Variants in CTTNBP2 observed in about 807,000 individuals in gnomAD.
CTTNBP2 encodes cortactin binding protein 2, also known as cortactin-binding protein 2.
A neutral mutation model predicts 156.9 loss-of-function variants in CTTNBP2; 108 were observed. That is an observed-to-expected ratio of 0.69 (90% CI 0.59 to 0.81). CTTNBP2 has a LOEUF of 0.81. Ranked by LOEUF, CTTNBP2 falls within the 30% of genes least tolerant of loss-of-function variation. The pLI, the probability that CTTNBP2 is intolerant of heterozygous loss-of-function variation, is 0.00. For synonymous variants in CTTNBP2, 767 were observed against 751.8 expected, an observed-to-expected ratio of 1.02 and a Z score of -0.33; for missense variants, 1,924 against 2,035.4, an observed-to-expected ratio of 0.95 and a Z score of 1.05.
At chr7:117,821,712 C>T (rs893405287) in intron 2 of CTTNBP2, among the ~76,000 whole-genome samples, 4 of 151,878 alleles carry the variant, frequency 2.6e-5, no homozygotes, top group African/African-American at 9.7e-5. Flanking sequence ...ACTCAGCCTC[C>T]CGAGTAGCTG....
intron 2 of CTTNBP2, among the ~76,000 whole-genome samples, chr7:117,839,625 A>T (rs1463324796): frequency 6.6e-6 from 1 of 152,222 alleles, no homozygotes; most frequent in Non-Finnish European, 1.5e-5. Context: ...TAAAAGTGCT[A>T]CTTCTGTCAA....
intron 12 of CTTNBP2, chr7:117,755,660 A>G (rs1796844151): frequency 4.6e-6 from 2 of 435,684 alleles, no homozygotes; most frequent in Admixed American, 5.3e-5. Flanking sequence ...ATTGCCTGGC[A>G]TGTAGTAAGT....
chr7:117,823,375 T>A (rs577660680), intron 2 of CTTNBP2, among the ~76,000 whole-genome samples: 1 of 152,328 alleles, frequency 6.6e-6, no homozygotes, highest in East Asian at 1.9e-4. Flanking sequence ...TTGAAAAAAA[T>A]TGTTTAATAT....
At chr7:117,715,613 ATATG>A (rs1351870295) in intron 22 of CTTNBP2, 14 of 152,166 alleles carry the variant, frequency 9.2e-5, no homozygotes, top group Non-Finnish European at 1.5e-4. Flanking sequence ...GTTGATTTAA[ATATG>A]TATATTTGTT....
intron 3 of CTTNBP2, among the ~76,000 whole-genome samples, chr7:117,807,053 G>A (rs922722696): frequency 4.6e-5 from 7 of 151,940 alleles, no homozygotes; most frequent in Non-Finnish European, 8.8e-5. Context: ...CACCATGCCC[G>A]GCTGGCTCAT....
chr7:117,710,847 G>A lies in CTTNBP2; in HGVS notation c.*690C>T, dbSNP rs1794017879. 1 of 152,470 alleles carries A rather than the reference G, an allele frequency of 6.6e-6. No individual in the cohort carries two copies. The highest frequency in any genetic ancestry group is 1.5e-5 in the Non-Finnish European group (1 of 67,974). The allele number at this position is 152,470 out of a possible 1,614,324, so 9.4% of individuals were successfully genotyped here. A position where few individuals can be genotyped will look rare whatever the true frequency, so the allele number is the denominator to read the frequency against. On this transcript the variant is annotated 3_prime_UTR_variant, in exon 23 of 23. Coordinates refer to ENST00000160373, the MANE Select transcript of CTTNBP2 (RefSeq NM_033427.3). The stretch of plus-strand genomic sequence containing the variant: ...ATATCCACTTAGGTACAAAACTTTT[G>A]TAAGAAAGATAACACTTTTATTGCA...
intron 2 of CTTNBP2, among the ~76,000 whole-genome samples, chr7:117,829,416 G>T (rs954413024): frequency 6.6e-6 from 1 of 152,228 alleles, no homozygotes; most frequent in Admixed American, 6.5e-5. Flanking sequence ...GGAAGTGTTG[G>T]TTTAGGCAAG....
At chr7:117,782,574 T>G (rs911157876) in intron 6 of CTTNBP2, among the ~76,000 whole-genome samples, 1 of 152,210 alleles carries the variant, frequency 6.6e-6, no homozygotes, top group African/African-American at 2.4e-5. Flanking sequence ...GTCCTTCATC[T>G]CATGACATAT....
chr7:117,760,589 C>T lies in CTTNBP2; in HGVS notation c.3018G>A (p.Trp1006Ter), dbSNP rs1797154839. ...CALNIRKQTS[W>*]DDFSKAVSQA... ...GACTCACTGCTTTTGAAAAATCATC[C>T]CATGATGTCTGTTTGCGGATATTTA... The change falls in exon 10 of 23, where the codon TGG becomes TGA. Residue 1006 changes from tryptophan (W) to a stop codon, truncating the protein, a stop_gained. Transcript: ENST00000160373. LOFTEE classifies it high-confidence loss of function. 1.2e-6 allele frequency: 2 copies of T among 1,614,034 alleles called. No individual in the cohort carries two copies. The highest frequency in any genetic ancestry group is 4.5e-5 in the East Asian group (2 of 44,876).
intron 19 of CTTNBP2, among the ~76,000 whole-genome samples, chr7:117,721,693 A>T (rs1285242594): frequency 6.6e-6 from 1 of 152,216 alleles, no homozygotes; most frequent in African/African-American, 2.4e-5. Flanking sequence ...AATGCTGAAA[A>T]TCATATGTTT....
chr7:117,786,662 GA>G (rs1798718893), intron 4 of CTTNBP2, among the ~76,000 whole-genome samples: 1 of 152,092 alleles, frequency 6.6e-6, no homozygotes, highest in East Asian at 1.9e-4. Flanking sequence ...CTTGGTTGTT[GA>G]TATTCTTTTA....
chr7:117,852,298 CAAA>C (rs200498632), intron 2 of CTTNBP2, among the ~76,000 whole-genome samples: 1 of 86,758 alleles, frequency 1.2e-5, no homozygotes. Flanking sequence ...TATACAAAAC[CAAA>C]AAAAAAAAAA....
intron 22 of CTTNBP2, 52 bp from the exon 23 acceptor site, chr7:117,711,834 A>T (rs1489284612): frequency 1.3e-6 from 2 of 1,549,036 alleles, no homozygotes. Flanking sequence ...TCCTGTTATG[A>T]GCCCTACCCC....
In CTTNBP2 at chr7:117,758,798, G is replaced by A. The variant is rs151088544; in HGVS notation, c.3173-828C>T. 1.2e-4 allele frequency among the ~76,000 whole-genome samples: 18 copies of A among 152,284 alleles called. No homozygotes were observed. The East Asian group carries it at 3.1e-3, about 26-fold the overall frequency. On this transcript the variant is annotated intron_variant, in intron 10 of 22. Coordinates refer to ENST00000160373, the MANE Select transcript of CTTNBP2 (RefSeq NM_033427.3). The stretch of plus-strand genomic sequence containing the variant: ...TATCCACAAAACTCAACGATTTTTC[G>A]ATGTGAAATGCTACTAGGGTGCTCT...
At chr7:117,814,897 T>A (rs1347825362) in intron 2 of CTTNBP2, among the ~76,000 whole-genome samples, 1 of 152,200 alleles carries the variant, frequency 6.6e-6, no homozygotes, top group African/African-American at 2.4e-5. Flanking sequence ...ATGAGAGAAA[T>A]GAAGCAGTAT....
At chr7:117,817,431 G>T (rs1261871079) in intron 2 of CTTNBP2, among the ~76,000 whole-genome samples, 2 of 140,750 alleles carry the variant, frequency 1.4e-5, no homozygotes, top group African/African-American at 5.2e-5. Flanking sequence ...TGTTGAGAAT[G>T]TCGTAAGCAG....
intron 14 of CTTNBP2, among the ~76,000 whole-genome samples, chr7:117,740,717 C>T (rs1236595094): frequency 6.6e-6 from 1 of 152,224 alleles, no homozygotes; most frequent in African/African-American, 2.4e-5. Flanking sequence ...TGGCCTCATC[C>T]ATCGCCTCTT....
intron 3 of CTTNBP2, among the ~76,000 whole-genome samples, chr7:117,797,842 G>A (rs1799406867): frequency 6.6e-6 from 1 of 152,038 alleles, no homozygotes; most frequent in Non-Finnish European, 1.5e-5. Flanking sequence ...TCCATGAACT[G>A]GAGTTCCAAA....
chr7:117,728,255 C>A lies in CTTNBP2; in HGVS notation c.3889G>T (p.Ala1297Ser), dbSNP rs772957899. 6.2e-7 allele frequency: 1 copy of A among 1,613,010 alleles called. No homozygotes were observed. Among genetic ancestry groups the A allele is most frequent in the East Asian group, 2.2e-5 (1 of 44,846 alleles). The change falls in exon 17 of 23, where the codon GCG (alanine) becomes TCG (serine). Residue 1297 changes from alanine (A) to serine (S), a missense_variant. By Grantham distance (99) the Ala-to-Ser change is moderately conservative. Coordinates refer to ENST00000160373, the MANE Select transcript of CTTNBP2 (RefSeq NM_033427.3). ...RKVVNKFKGQAPSPCDPVCKI... is the reference protein window; with the variant it reads ...RKVVNKFKGQSPSPCDPVCKI... ...CACACAGGATCGCAGGGGGAGGGCG[C>A]CTGACCTTTGAACTAGAGAGACAGG... is the stretch of plus-strand genomic sequence containing the variant.
Sources: gnomAD v4.1 joint callset for allele counts (sites outside exome capture counted in the v4.1 genomes callset) on GRCh38, gnomAD v4.1.1 for gene constraint, MANE v1.5 for transcripts, NCBI Gene and HGNC (gene_info 2026-07-23, HGNC 2026-07-21) for gene names.